STARD13: variants seen among roughly 807,000 people sequenced by gnomAD.
The protein encoded by STARD13 is stAR-related lipid transfer protein 13.
A neutral mutation model predicts 106.4 loss-of-function variants in STARD13; 62 were observed. The ratio of observed to expected loss-of-function variants is 0.58; its 90% CI spans 0.48 to 0.72. The LOEUF is 0.72. Ranked by LOEUF, STARD13 falls within the 30% of genes least tolerant of loss-of-function variation. STARD13 has a pLI of 0.00. For missense variants in STARD13, 1,387 were observed against 1,424.0 expected (o/e 0.97, Z 0.42); for synonymous variants, 565 against 553.0 (o/e 1.02, Z -0.31).
chr13:33,271,791 C>T (rs1452920481), intron 1 of STARD13, among the ~76,000 whole-genome samples: 1 of 151,490 alleles, frequency 6.6e-6, no homozygotes, highest in Non-Finnish European at 1.5e-5. Context: ...GGAGAACCAA[C>T]CAGGTCTATA....
the STARD13 span, among the ~76,000 whole-genome samples, chr13:33,474,350 C>T: frequency 2.0e-5 from 3 of 152,166 alleles, no homozygotes; most frequent in Non-Finnish European, 4.4e-5. Flanking sequence ...CATTGAATTA[C>T]GTATTGGAGC....
chr13:33,507,132 A>T, the STARD13 span, among the ~76,000 whole-genome samples: 3 of 152,248 alleles, frequency 2.0e-5, no homozygotes, highest in South Asian at 2.1e-4. Context: ...CCTTTTTCCA[A>T]CTACATAACT....
intron 8 of STARD13, chr13:33,113,201 C>A: frequency 2.0e-6 from 1 of 491,684 alleles, no homozygotes; most frequent in South Asian, 2.7e-5. Context: ...GGGGCACCAC[C>A]ATCCTGGTTT....
chr13:33,365,833 T>C, the STARD13 span, among the ~76,000 whole-genome samples: 1 of 152,194 alleles, frequency 6.6e-6, no homozygotes, highest in Admixed American at 6.5e-5. Context: ...ATAGTAGTTT[T>C]CACTTGAGCC....
At chr13:33,262,662 AACACACACACACACACACAC>A (rs1555254805) in intron 1 of STARD13, among the ~76,000 whole-genome samples, 1 of 114,900 alleles carries the variant, frequency 8.7e-6, no homozygotes, top group East Asian at 3.0e-4. Context: ...ACACACACAC[AACACACACACACACACACAC>A]ACACACACCC....
At chr13:33,272,688 A>G (rs1425803189) in intron 1 of STARD13, 1 of 152,172 alleles carries the variant, frequency 6.6e-6, no homozygotes, top group African/African-American at 2.4e-5. Flanking sequence ...ACAGCTAATG[A>G]TCTGAAAAGA....
At chr13:33,457,395 T>C in the STARD13 span, among the ~76,000 whole-genome samples, 1 of 152,182 alleles carries the variant, frequency 6.6e-6, no homozygotes, top group Admixed American at 6.5e-5. Context: ...CAGAAGAAAG[T>C]CCTCAAAGCC....
chr13:33,586,648 A>G, the STARD13 span, among the ~76,000 whole-genome samples: 9 of 152,208 alleles, frequency 5.9e-5, no homozygotes, highest in Admixed American at 5.9e-4. Context: ...AATAAGCACA[A>G]GGACCAGTGA....
At chr13:33,638,093 A>T in the STARD13 span, among the ~76,000 whole-genome samples, 1 of 152,220 alleles carries the variant, frequency 6.6e-6, no homozygotes, top group East Asian at 1.9e-4. Context: ...GAAGGGATTT[A>T]TTCTGAGCCA....
the STARD13 span, among the ~76,000 whole-genome samples, chr13:33,399,501 T>C: frequency 6.6e-6 from 1 of 151,982 alleles, no homozygotes; most frequent in African/African-American, 2.4e-5. Context: ...GAGACCATCC[T>C]GGCTAACACA....
chr13:33,665,323 A>T, the STARD13 span, among the ~76,000 whole-genome samples: 4 of 152,142 alleles, frequency 2.6e-5, no homozygotes, highest in African/African-American at 4.8e-5. Flanking sequence ...GTATTTAATT[A>T]AAAAAAATCC....
At chr13:33,278,770 A>G (rs927335407) in intron 1 of STARD13, 1 of 152,068 alleles carries the variant, frequency 6.6e-6, no homozygotes, top group Non-Finnish European at 1.5e-5. Context: ...CCCATTTTTG[A>G]TTATTATTCA....
chr13:33,415,172 T>G, the STARD13 span, among the ~76,000 whole-genome samples: 19 of 152,088 alleles, frequency 1.2e-4, no homozygotes, highest in Non-Finnish European at 2.6e-4. Context: ...ATCGAGACCA[T>G]CCTGGCTAAC....
chr13:33,636,828 C>T, the STARD13 span, among the ~76,000 whole-genome samples: 1,579 of 152,328 alleles, frequency 0.01, 28 homozygotes, highest in African/African-American at 0.036. Context: ...TCACAATCCT[C>T]GTCCAAGTTA....
At chr13:33,611,258 T>C in the STARD13 span, 1 of 152,262 alleles carries the variant, frequency 6.6e-6, no homozygotes, top group Non-Finnish European at 1.5e-5. Context: ...GTGCTGGGCC[T>C]GCTGAAAAAG....
the STARD13 span, among the ~76,000 whole-genome samples, chr13:33,429,957 G>A: frequency 2.0e-3 from 289 of 147,256 alleles, 1 homozygote; most frequent in African/African-American, 7.0e-3. Flanking sequence ...TCGCTCTGTT[G>A]CCCAGGCTGG....
chr13:33,134,584 G>C (rs1411690090), intron 4 of STARD13, among the ~76,000 whole-genome samples: 2 of 152,170 alleles, frequency 1.3e-5, no homozygotes, highest in African/African-American at 2.4e-5. Context: ...GGTTCTTTGA[G>C]ACTCAGTTTT....
intron 3 of STARD13, among the ~76,000 whole-genome samples, chr13:33,157,611 A>G (rs143481003): frequency 2.0e-5 from 3 of 152,326 alleles, no homozygotes; most frequent in Non-Finnish European, 4.4e-5. Context: ...TGGAGGTTGT[A>G]GTGAGCTGAG....
intron 1 of STARD13, among the ~76,000 whole-genome samples, chr13:33,221,089 AT>A (rs1238141412): frequency 6.6e-6 from 1 of 152,218 alleles, no homozygotes; most frequent in Non-Finnish European, 1.5e-5. Flanking sequence ...TTAAAAAAAA[AT>A]TGTGGTGAAA....
Sources: gnomAD v4.1 joint callset for allele counts (sites outside exome capture counted in the v4.1 genomes callset) on GRCh38, gnomAD v4.1.1 for gene constraint, MANE v1.5 for transcripts, NCBI Gene and HGNC (gene_info 2026-07-23, HGNC 2026-07-21) for gene names.